CTNND2: variants seen among roughly 807,000 people sequenced by gnomAD.
The protein encoded by CTNND2 is catenin delta-2.
A neutral mutation model predicts 144.4 loss-of-function variants in CTNND2; 22 were observed. The observed-to-expected ratio is 0.15, with a 90% confidence interval of 0.11 to 0.22. The LOEUF (loss-of-function observed/expected upper bound fraction) is 0.22, where lower values mean the gene tolerates loss of function less well. CTNND2 is among the 10% of genes least tolerant of loss of function. The probability of loss-of-function intolerance (pLI) is 1.00; values close to 1 mark genes in which losing one functional copy is unlikely to be tolerated. For missense variants in CTNND2, 1,353 were observed against 1,618.8 expected (o/e 0.84, Z 2.82); for synonymous variants, 751 against 695.6 (o/e 1.08, Z -1.25).
intron 15 of CTNND2, among the ~76,000 whole-genome samples, chr5:11,089,438 G>T (rs749666545): frequency 1.2e-4 from 19 of 152,192 alleles, no homozygotes; most frequent in Non-Finnish European, 2.8e-4. Context: ...GGATTTTGTA[G>T]ACACTTTGTT....
At chr5:11,351,934 T>G (rs917105109) in intron 8 of CTNND2, among the ~76,000 whole-genome samples, 35 of 152,284 alleles carry the variant, frequency 2.3e-4, no homozygotes, top group African/African-American at 7.5e-4. Context: ...ATACTTGGAA[T>G]TCAACTCAGT....
chr5:11,098,005 T>C (rs1485593953), intron 15 of CTNND2, among the ~76,000 whole-genome samples: 1 of 152,218 alleles, frequency 6.6e-6, no homozygotes, highest in Admixed American at 6.5e-5. Flanking sequence ...TGTTAGTTTA[T>C]AAGGACTCAG....
At chr5:11,226,918 C>G (rs1740421321) in intron 10 of CTNND2, among the ~76,000 whole-genome samples, 1 of 152,240 alleles carries the variant, frequency 6.6e-6, no homozygotes, top group Non-Finnish European at 1.5e-5. Flanking sequence ...ATTAGTTCCA[C>G]TTTCACATAT....
chr5:11,147,558 C>A (rs59799448), intron 12 of CTNND2, among the ~76,000 whole-genome samples: 2 of 151,738 alleles, frequency 1.3e-5, no homozygotes, highest in African/African-American at 2.4e-5. Flanking sequence ...GATACCAGTT[C>A]TGAGATGCTT....
At chr5:11,047,933 T>G (rs2149577301) in intron 16 of CTNND2, among the ~76,000 whole-genome samples, 1 of 152,302 alleles carries the variant, frequency 6.6e-6, no homozygotes, top group East Asian at 1.9e-4. Flanking sequence ...TGTTTGCTCC[T>G]TTGTCTGGTT....
chr5:11,115,941 GA>G (rs1753497984), intron 13 of CTNND2, among the ~76,000 whole-genome samples: 1 of 152,210 alleles, frequency 6.6e-6, no homozygotes, highest in South Asian at 2.1e-4. Flanking sequence ...TACATGGATA[GA>G]AACACTTTTA....
At chr5:11,650,966 T>C (rs767304356) in intron 2 of CTNND2, among the ~76,000 whole-genome samples, 1 of 152,182 alleles carries the variant, frequency 6.6e-6, no homozygotes, top group African/African-American at 2.4e-5. Context: ...AAAAACCCAT[T>C]TTCTGGGGAG....
At chr5:11,250,975 T>C (rs997248260) in intron 9 of CTNND2, among the ~76,000 whole-genome samples, 3 of 152,192 alleles carry the variant, frequency 2.0e-5, no homozygotes, top group African/African-American at 7.2e-5. Context: ...AACGATGGTT[T>C]CTTTATTAAG....
chr5:11,192,042 A>G (rs910422977), intron 11 of CTNND2, among the ~76,000 whole-genome samples: 2 of 152,098 alleles, frequency 1.3e-5, no homozygotes, highest in Non-Finnish European at 2.9e-5. Context: ...TTTCCATGTC[A>G]TCTACAGTGC....
intron 10 of CTNND2, among the ~76,000 whole-genome samples, chr5:11,211,433 C>A (rs184746537): frequency 6.6e-6 from 1 of 152,224 alleles, no homozygotes; most frequent in East Asian, 1.9e-4. Flanking sequence ...AAGAGAACCA[C>A]AGCAGCTTTT....
intron 3 of CTNND2, among the ~76,000 whole-genome samples, chr5:11,459,017 A>G (rs992456879): frequency 6.7e-6 from 1 of 149,358 alleles, no homozygotes; most frequent in African/African-American, 2.5e-5. Flanking sequence ...CAATTTTCCC[A>G]CCTCAGCCTC....
chr5:11,345,987 A>G (rs1169735511), intron 9 of CTNND2, among the ~76,000 whole-genome samples: 20 of 152,200 alleles, frequency 1.3e-4, no homozygotes, highest in Admixed American at 1.3e-3. Context: ...AATCTGATAA[A>G]TAGAAATACG....
intron 12 of CTNND2, among the ~76,000 whole-genome samples, chr5:11,148,510 C>G (rs541409423): frequency 2.6e-5 from 4 of 152,214 alleles, no homozygotes; most frequent in African/African-American, 4.8e-5. Flanking sequence ...CACTCCTTGG[C>G]CTTTGTCTTC....
rs61750704 is a variant in CTNND2 at position 11,347,226 on chromosome 5, G to A, written c.1373-599C>T. On this transcript the variant is annotated intron_variant, in intron 8 of 21. Coordinates refer to ENST00000304623, the MANE Select transcript of CTNND2 (RefSeq NM_001332.4). ...AGTTTTTGTAAAGTAACTCCCGAAA[G>A]ATTTTTATATGCCTCTTTTTCAAGT... Among the ~76,000 whole-genome samples the A allele has an allele frequency of 2.6e-5, 4 of 152,264 alleles. No homozygotes were observed. In the East Asian group the frequency reaches 7.7e-4, roughly 29 times the overall value.
At chr5:11,218,513 G>A in intron 10 of CTNND2, among the ~76,000 whole-genome samples, 1 of 152,142 alleles carries the variant, frequency 6.6e-6, no homozygotes, top group Non-Finnish European at 1.5e-5. Context: ...AATAGATTGT[G>A]TGTGTTCTCT....
At chr5:11,274,868 T>G (rs1746369301) in intron 9 of CTNND2, among the ~76,000 whole-genome samples, 3 of 152,154 alleles carry the variant, frequency 2.0e-5, no homozygotes, top group Non-Finnish European at 4.4e-5. Flanking sequence ...TACAAGAAAG[T>G]TCTAAAAATA....
intron 2 of CTNND2, among the ~76,000 whole-genome samples, chr5:11,592,389 G>A (rs912424241): frequency 4.0e-5 from 6 of 151,676 alleles, no homozygotes; most frequent in African/African-American, 7.3e-5. Context: ...GGGAAGATAC[G>A]TGTAAACTCA....
chr5:11,831,616 G>A (rs1291468148), intron 1 of CTNND2, among the ~76,000 whole-genome samples: 2 of 150,730 alleles, frequency 1.3e-5, no homozygotes, highest in South Asian at 4.2e-4. Context: ...GCAGTGAGCC[G>A]AGATTGCGCC....
chr5:11,285,105 C>A (rs925326259), intron 9 of CTNND2, among the ~76,000 whole-genome samples: 2 of 152,160 alleles, frequency 1.3e-5, no homozygotes, highest in African/African-American at 4.8e-5. Context: ...ATATCTGATT[C>A]CCCTTAATGT....
Sources: gnomAD v4.1 joint callset for allele counts (sites outside exome capture counted in the v4.1 genomes callset) on GRCh38, gnomAD v4.1.1 for gene constraint, MANE v1.5 for transcripts, NCBI Gene and HGNC (gene_info 2026-07-23, HGNC 2026-07-21) for gene names.